OPA1: variants seen among roughly 807,000 people sequenced by gnomAD.
The protein encoded by OPA1 is dynamin-like GTPase OPA1, mitochondrial.
A neutral mutation model predicts 152.9 loss-of-function variants in OPA1; 59 were observed. The observed-to-expected ratio is 0.39, with a 90% confidence interval of 0.31 to 0.48. The LOEUF is 0.48. Ranked by LOEUF, OPA1 falls within the 20% of genes least tolerant of loss-of-function variation. The pLI, the probability that OPA1 is intolerant of heterozygous loss-of-function variation, is 0.96. For synonymous variants in OPA1, 400 were observed against 389.9 expected, an observed-to-expected ratio of 1.03 and a Z score of -0.31; for missense variants, 1,008 against 1,216.8, an observed-to-expected ratio of 0.83 and a Z score of 2.55.
chr3:193,642,655 G>T, intron 11 of OPA1, 110 bp from the exon 12 acceptor site: 2 of 803,758 alleles, frequency 2.5e-6, no homozygotes, highest in Non-Finnish European at 4.4e-6. Context: ...AGTGTGAAGG[G>T]ACTCTTGGAT....
intron 29 of OPA1, chr3:193,668,708 T>G: frequency 7.4e-7 from 1 of 1,353,672 alleles, no homozygotes; most frequent in Non-Finnish European, 9.6e-7. Context: ...GGTCAGGCAT[T>G]AACACCTGCA....
intron 3 of OPA1, among the ~76,000 whole-genome samples, chr3:193,616,683 A>G (rs1286055180): frequency 6.6e-6 from 1 of 152,204 alleles, no homozygotes; most frequent in African/African-American, 2.4e-5. Flanking sequence ...AAAAAAGTAT[A>G]TTGGATCGCT....
At position 193,644,072 on chromosome 3, in the gene OPA1, C is replaced by T; in HGVS notation, c.1575C>T (p.Asp525=). The T allele has an allele frequency of 6.2e-7, 1 of 1,613,658 alleles. No homozygotes were observed. Among genetic ancestry groups the T allele is most frequent in the Non-Finnish European group, 8.5e-7 (1 of 1,179,784 alleles). ...CCATATTCGTTTTGACCAAAGTAGA[C>T]CTGGCAGAGAAAAATGTAGCCAGTC... ...RRTIFVLTKV[D]LAEKNVASPS... is the part of the protein sequence containing the mutation. The change falls in exon 16 of 31, where the codon GAC becomes GAT. Residue 525 remains aspartate, a synonymous_variant. Transcript: ENST00000361510.
At chr3:193,639,312 A>G (rs185557673) in intron 11 of OPA1, among the ~76,000 whole-genome samples, 4 of 152,344 alleles carry the variant, frequency 2.6e-5, no homozygotes, top group African/African-American at 9.6e-5. Flanking sequence ...ACATAATTGT[A>G]TAGTAGGTTA....
At chr3:193,600,949 C>T (rs1726362964) in intron 1 of OPA1, among the ~76,000 whole-genome samples, 1 of 152,082 alleles carries the variant, frequency 6.6e-6, no homozygotes, top group South Asian at 2.1e-4. Flanking sequence ...TTTGTAGTAA[C>T]AGAATCAGGG....
At chr3:193,607,737 A>G (rs1435617328) in intron 1 of OPA1, among the ~76,000 whole-genome samples, 1 of 152,098 alleles carries the variant, frequency 6.6e-6, no homozygotes, top group Non-Finnish European at 1.5e-5. Context: ...TTGACTTGGC[A>G]ATGCAGGCTC....
At chr3:193,688,571 G>T (rs546855057) in intron 29 of OPA1, among the ~76,000 whole-genome samples, 6 of 136,600 alleles carry the variant, frequency 4.4e-5, no homozygotes, top group Admixed American at 4.2e-4. Flanking sequence ...TCCGCCTCCC[G>T]ATTCTCCCTG....
At position 193,656,027 on chromosome 3, in the gene OPA1, C is replaced by G. The variant is rs139795902; in HGVS notation, c.2178+1000C>G. ...CTTTCTAAGAACTCCAGCAGCCTCC[C>G]TGCCTAAGTTGCACGTTGCTGAGCC... On this transcript the variant is annotated intron_variant, in intron 22 of 30. Transcript: ENST00000361510. Among the ~76,000 whole-genome samples, 450 of 152,268 alleles carry G rather than the reference C, an allele frequency of 3.0e-3. 7 individuals carry two copies. The highest frequency in any genetic ancestry group is 0.021 in the East Asian group (110 of 5,186).
intron 29 of OPA1, among the ~76,000 whole-genome samples, chr3:193,676,528 G>C (rs1281988502): frequency 6.6e-6 from 1 of 152,140 alleles, no homozygotes; most frequent in Non-Finnish European, 1.5e-5. Flanking sequence ...TAATCCTCAA[G>C]GAAAGTCCTC....
chr3:193,626,338 A>G (rs547548144), intron 7 of OPA1, 136 bp downstream of exon 7: 15 of 698,484 alleles, frequency 2.1e-5, no homozygotes, highest in Non-Finnish European at 3.3e-5. Context: ...TAAAAGATGC[A>G]TCATATAAAT....
At chr3:193,657,319 C>A in intron 23 of OPA1, 87 bp downstream of exon 23, 2 of 1,216,538 alleles carry the variant, frequency 1.6e-6, no homozygotes, top group East Asian at 2.3e-5. Flanking sequence ...CTTTATATGA[C>A]TAAATTACAT....
At chr3:193,665,261 AAAAT>A (rs1278244997) in intron 27 of OPA1, among the ~76,000 whole-genome samples, 2 of 105,630 alleles carry the variant, frequency 1.9e-5, no homozygotes, top group Non-Finnish European at 3.9e-5. Context: ...AATAGTAAAA[AAAAT>A]AAATAAATAA....
chr3:193,694,469 A>G (rs1252954551), intron 30 of OPA1, 137 bp from the exon 31 acceptor site: 2 of 152,238 alleles, frequency 1.3e-5, no homozygotes, highest in South Asian at 2.1e-4. Flanking sequence ...GTGATAGACT[A>G]TATAAGTTTA....
chr3:193,660,690 G>T (rs1335743385), intron 25 of OPA1, among the ~76,000 whole-genome samples: 3 of 150,648 alleles, frequency 2.0e-5, no homozygotes, highest in Non-Finnish European at 4.4e-5. Flanking sequence ...TTTTCTCTGT[G>T]TTTCTTTACT....
rs1235715382 is a variant in OPA1, at chr3:193,655,169, G to C, written c.2178+142G>C. 7.9e-6 allele frequency: 6 copies of C among 762,210 alleles called. No individual in the cohort carries two copies. The Admixed American group carries it at 1.3e-4, about 17-fold the overall frequency. The allele number at this position is 762,210 out of a possible 1,614,324, so 47.2% of individuals were successfully genotyped here. The stretch of plus-strand genomic sequence containing the variant: ...CATTTATTCTTTATTCCTCATCTCT[G>C]TTTTGGGACTAACCTTAATGTTGCT... On this transcript the variant is annotated intron_variant, in intron 22 of 30. Coordinates refer to ENST00000361510, the MANE Select transcript of OPA1 (RefSeq NM_130837.3).
intron 29 of OPA1, 124 bp downstream of exon 29, chr3:193,667,404 C>CT: frequency 1.4e-6 from 1 of 714,776 alleles, no homozygotes; most frequent in East Asian, 2.8e-5. Flanking sequence ...AGCACGGTGG[C>CT]TCACGCTTGT....
At chr3:193,632,566 A>G (rs1162073367) in intron 8 of OPA1, among the ~76,000 whole-genome samples, 1 of 152,164 alleles carries the variant, frequency 6.6e-6, no homozygotes, top group African/African-American at 2.4e-5. Flanking sequence ...CTTATTTTTT[A>G]AAGTTCAAAG....
At chr3:193,604,996 A>G (rs190315244) in intron 1 of OPA1, among the ~76,000 whole-genome samples, 168 of 152,322 alleles carry the variant, frequency 1.1e-3, no homozygotes, top group African/African-American at 3.8e-3. Flanking sequence ...GAGCATAACA[A>G]TAAGTTATCT....
Position 193,614,746 on chromosome 3 carries a change from A to C in OPA1, c.56A>C (p.Lys19Thr). ...VACEVCQSLVKHSSGIKGSLP... is the reference protein window; with the variant it reads ...VACEVCQSLVTHSSGIKGSLP... ...AGTGAGGTCTGCCAGTCTTTAGTGA[A>C]ACACAGCTCTGGAATAAAAGGAAGT... Residue 19 changes from lysine to threonine, a missense_variant, in exon 2 of 31, where the codon AAA becomes ACA. By Grantham distance (78) the Lys-to-Thr change is moderately conservative. Around this residue, in one of 7 missense-constraint regions of OPA1, gnomAD observed 408 missense variants for 395.1 expected, o/e 1.03. Coordinates refer to ENST00000361510, the MANE Select transcript of OPA1 (RefSeq NM_130837.3). 1 of 1,613,964 alleles carries C rather than the reference A, an allele frequency of 6.2e-7. No individual in the cohort carries two copies. Among genetic ancestry groups the C allele is most frequent in the Non-Finnish European group, 8.5e-7 (1 of 1,179,830 alleles).
Sources: allele counts gnomAD v4.1 joint callset (sites outside exome capture counted in the v4.1 genomes callset), GRCh38; gene constraint gnomAD v4.1.1; regional missense constraint gnomAD v4.1.1; transcripts MANE v1.5; gene names NCBI Gene and HGNC (gene_info 2026-07-23, HGNC 2026-07-21).